Variants in LRP12 observed in about 807,000 individuals in gnomAD.
The protein encoded by LRP12 is LDL receptor related protein 12.
LRP12 carries 14 observed loss-of-function variants against 66.0 expected under a neutral mutation model. That is an observed-to-expected ratio of 0.21 (90% CI 0.14 to 0.33). LRP12 has a LOEUF of 0.33. LRP12 is among the 10% of genes least tolerant of loss of function. The pLI is 1.00. For synonymous variants in LRP12, 357 were observed against 359.1 expected (o/e 0.99, Z 0.07); for missense variants, 889 against 1,053.4 (o/e 0.84, Z 2.16).
intron 3 of LRP12, chr8:104,506,155 A>T (rs191614132): frequency 7.9e-5 from 12 of 152,338 alleles, no homozygotes; most frequent in African/African-American, 2.9e-4. Flanking sequence ...ATATTAAAAA[A>T]TATCTGATAG....
intron 1 of LRP12, among the ~76,000 whole-genome samples, chr8:104,557,003 A>T (rs190310495): frequency 6.6e-6 from 1 of 152,344 alleles, no homozygotes; most frequent in East Asian, 1.9e-4. Context: ...CAAAAATTAA[A>T]AACAAAAATC....
Position 104,497,672 on chromosome 8 carries a change from G to A in LRP12, c.880C>T (p.His294Tyr). The A allele has an allele frequency of 6.2e-7, 1 of 1,614,086 alleles. No homozygotes were observed. The highest frequency in any genetic ancestry group is 8.5e-7 in the Non-Finnish European group (1 of 1,179,990). Residue 294 changes from histidine to tyrosine, a missense_variant, in exon 5 of 7, where the codon CAC becomes TAC. By Grantham distance (83) the His-to-Tyr change is moderately conservative. This residue lies in a region of LRP12 where 800 missense variants were observed against 964.5 expected (regional missense o/e 0.83). Transcript: ENST00000276654. The surrounding 1 kb of genome is among the most constrained non-coding windows in gnomAD (Gnocchi z 4.3). ...NCTWLIDTGD[H>Y]RKVILRFTDF... ...GTGAAGCGTAAAATGACTTTACGGT[G>A]ATCACCAGTGTCTATTAACCAGGTG...
chr8:104,526,170 T>G (rs749633997), intron 2 of LRP12, among the ~76,000 whole-genome samples: 2,014 of 151,564 alleles, frequency 0.013, 41 homozygotes, highest in African/African-American at 0.046. Flanking sequence ...CACTGCTCAA[T>G]GAAATAAAAG....
chr8:104,562,909 A>C (rs1261006967), intron 1 of LRP12, among the ~76,000 whole-genome samples: 2 of 152,206 alleles, frequency 1.3e-5, no homozygotes, highest in Non-Finnish European at 2.9e-5. Flanking sequence ...ATGATCTGGC[A>C]TGTCTGGCTC....
At chr8:104,576,653 G>A (rs1365179364) in intron 1 of LRP12, among the ~76,000 whole-genome samples, 2 of 152,092 alleles carry the variant, frequency 1.3e-5, no homozygotes, top group Non-Finnish European at 2.9e-5. Flanking sequence ...CACTACAAAA[G>A]CACACTGAAG....
Position 104,588,979 on chromosome 8 carries a change from CCGCCGCCGCCGCCGCCGCCGA to C in LRP12, c.-103_-83del. 1 of 728,616 alleles carries C rather than the reference CCGCCGCCGCCGCCGCCGCCGA, an allele frequency of 1.4e-6. No homozygotes were observed. The highest frequency in any genetic ancestry group is 3.3e-5 in the Admixed American group (1 of 30,560). 45.1% of individuals were successfully genotyped at this position (728,616 alleles called of 1,614,324 possible). On this transcript the variant is annotated 5_prime_UTR_variant, in exon 1 of 7. Coordinates refer to ENST00000276654, the MANE Select transcript of LRP12 (RefSeq NM_013437.5). ...GAGGTAGACGACGCCGACGCCGCCG[CCGCCGCCGCCGCCGCCGCCGA>C]GCCACCGGCTGCTCCCTGCGCTCTC...
chr8:104,521,110 G>C (rs1811142400), intron 2 of LRP12, among the ~76,000 whole-genome samples: 2 of 151,774 alleles, frequency 1.3e-5, no homozygotes, highest in African/African-American at 4.8e-5. Context: ...CAAAATCCTT[G>C]GGACCAGAAG....
At chr8:104,581,017 A>G (rs1812241647) in intron 1 of LRP12, among the ~76,000 whole-genome samples, 1 of 152,266 alleles carries the variant, frequency 6.6e-6, no homozygotes, top group Non-Finnish European at 1.5e-5. Flanking sequence ...ACAATAACAA[A>G]GACATGGAAT....
chr8:104,504,341 C>G (rs1810873456), intron 3 of LRP12: 1 of 151,928 alleles, frequency 6.6e-6, no homozygotes, highest in Non-Finnish European at 1.5e-5. Flanking sequence ...TTTTCCTGGT[C>G]TTTACTGCTA....
rs1369514651 is a variant in LRP12 at position 104,497,268 on chromosome 8, A to G, written c.1284T>C (p.Pro428=). The G allele has an allele frequency of 3.7e-6, 6 of 1,614,200 alleles. No homozygotes were observed. The highest frequency in any genetic ancestry group is 5.1e-6 in the Non-Finnish European group (6 of 1,180,032). The stretch of plus-strand genomic sequence containing the variant: ...TCTGGTAGTTGCAGCGATCAGAACG[A>G]GGATAACAGACACCATTTCGGGAAC... ...FPCSRNGVCY[P]RSDRCNYQNH... is the part of the protein sequence containing the mutation. The change falls in exon 5 of 7, where the codon CCT becomes CCC. Residue 428 remains proline (P), a synonymous_variant. Coordinates refer to ENST00000276654, the MANE Select transcript of LRP12 (RefSeq NM_013437.5). This position sits in a 1 kb window ranked among gnomAD's most constrained non-coding sequence, Gnocchi z 4.3.
At chr8:104,546,038 T>C (rs569363203) in intron 1 of LRP12, among the ~76,000 whole-genome samples, 27 of 152,264 alleles carry the variant, frequency 1.8e-4, no homozygotes, top group African/African-American at 6.5e-4. Context: ...GAGAAGAGTA[T>C]ATTGGACTAA....
intron 1 of LRP12, among the ~76,000 whole-genome samples, chr8:104,563,879 A>C (rs937930459): frequency 2.0e-5 from 3 of 152,198 alleles, no homozygotes; most frequent in African/African-American, 7.2e-5. Context: ...GTATTTTGTT[A>C]CAGTGCTCCA....
At chr8:104,585,221 C>CATTT (rs146999936) in intron 1 of LRP12, among the ~76,000 whole-genome samples, 1,868 of 152,124 alleles carry the variant, frequency 0.012, 34 homozygotes, top group African/African-American at 0.042. Flanking sequence ...TTCTAAATTA[C>CATTT]ATTTATTTAT....
intron 1 of LRP12, among the ~76,000 whole-genome samples, chr8:104,536,644 CT>C (rs1355833565): frequency 6.6e-6 from 1 of 151,870 alleles, no homozygotes; most frequent in African/African-American, 2.4e-5. Flanking sequence ...TAGCAAGCTT[CT>C]TATTCAAGGG....
In LRP12 at chr8:104,548,894, C is replaced by T. The variant is rs149020357; in HGVS notation, c.80-16931G>A. On this transcript the variant is annotated intron_variant, in intron 1 of 6. Coordinates refer to ENST00000276654, the MANE Select transcript of LRP12 (RefSeq NM_013437.5). ...AGGAGGCTGTAGAGAGCTGAGACTG[C>T]GCCATTGCACTCCAGCCTGGACAAC... is the stretch of plus-strand genomic sequence containing the variant. Among the ~76,000 whole-genome samples the T allele has an allele frequency of 3.7e-3, 563 of 151,412 alleles. 7 individuals carry two copies. Among genetic ancestry groups the T allele is most frequent in the African/African-American group, 0.012 (511 of 41,168 alleles).
At chr8:104,501,710 A>AT (rs1467492091) in intron 3 of LRP12, among the ~76,000 whole-genome samples, 4 of 152,134 alleles carry the variant, frequency 2.6e-5, no homozygotes, top group Admixed American at 6.6e-5. Context: ...CCTCAAAAAA[A>AT]AAAAAAAAAT....
At chr8:104,540,137 A>C (rs747691029) in intron 1 of LRP12, among the ~76,000 whole-genome samples, 4 of 151,158 alleles carry the variant, frequency 2.6e-5, no homozygotes, top group Non-Finnish European at 4.4e-5. Context: ...GTGTCCTCTT[A>C]TAAGAAGAGG....
intron 1 of LRP12, among the ~76,000 whole-genome samples, chr8:104,552,517 A>T (rs532443174): frequency 1.0e-4 from 15 of 149,078 alleles, no homozygotes; most frequent in Non-Finnish European, 2.1e-4. Flanking sequence ...TAAAAATACA[A>T]TTTTTTTTTT....
intron 1 of LRP12, among the ~76,000 whole-genome samples, chr8:104,547,913 A>G (rs1196608282): frequency 7.8e-6 from 1 of 127,810 alleles, no homozygotes; most frequent in East Asian, 2.2e-4. Flanking sequence ...ATTCTGTTAT[A>G]TTTTGTATAT....
Sources: gnomAD v4.1 joint callset for allele counts (sites outside exome capture counted in the v4.1 genomes callset) on GRCh38, gnomAD v4.1.1 for gene constraint, gnomAD v4.1.1 regional missense constraint, Gnocchi (gnomAD v3.1) non-coding constraint, MANE v1.5 for transcripts, NCBI Gene and HGNC (gene_info 2026-07-23, HGNC 2026-07-21) for gene names.